The following CNTN4 variants were observed in gnomAD, a reference collection of about 807,000 sequenced individuals.
CNTN4 encodes the protein contactin 4.
CNTN4 carries 77 observed loss-of-function variants against 122.5 expected under a neutral mutation model. The observed-to-expected ratio is 0.63, with a 90% CI of 0.52 to 0.76. The LOEUF (loss-of-function observed/expected upper bound fraction) is 0.76. Ranked by LOEUF, CNTN4 falls within the 30% of genes least tolerant of loss-of-function variation. The pLI, the probability that CNTN4 is intolerant of heterozygous loss-of-function variation, is 0.00. For synonymous variants in CNTN4, 512 were observed against 447.0 expected, an observed-to-expected ratio of 1.15 and a Z score of -1.83; for missense variants, 1,256 against 1,259.1, an observed-to-expected ratio of 1.00 and a Z score of 0.04.
At chr3:2,712,792 T>C (rs1405630415) in intron 4 of CNTN4, among the ~76,000 whole-genome samples, 1 of 152,168 alleles carries the variant, frequency 6.6e-6, no homozygotes, top group East Asian at 1.9e-4. Flanking sequence ...TGATCACCAG[T>C]GGTCACTGTC....
At chr3:2,659,923 G>A (rs1314773889) in intron 4 of CNTN4, among the ~76,000 whole-genome samples, 1 of 152,176 alleles carries the variant, frequency 6.6e-6, no homozygotes, top group Non-Finnish European at 1.5e-5. Flanking sequence ...AACCTGGTCA[G>A]GGATTGTGTG....
chr3:3,009,013 G>A (rs1696919594), intron 14 of CNTN4: 4 of 985,388 alleles, frequency 4.1e-6, no homozygotes, highest in African/African-American at 1.7e-5. Context: ...GGTATGATCT[G>A]CGGGCTAGAG....
intron 3 of CNTN4, among the ~76,000 whole-genome samples, chr3:2,339,840 C>A (rs2044115731): frequency 6.6e-6 from 1 of 152,188 alleles, no homozygotes; most frequent in African/African-American, 2.4e-5. Flanking sequence ...TTTGTGGAAT[C>A]TACAAGTTTG....
At chr3:2,669,842 C>T (rs1310756297) in intron 4 of CNTN4, among the ~76,000 whole-genome samples, 4 of 152,138 alleles carry the variant, frequency 2.6e-5, no homozygotes, top group Non-Finnish European at 5.9e-5. Context: ...GCCTTCATTT[C>T]GTTATGTACC....
chr3:2,787,212 A>G lies in CNTN4; in HGVS notation c.359-32274A>G, dbSNP rs1038056563. 8.5e-5 allele frequency among the ~76,000 whole-genome samples: 13 copies of G among 152,230 alleles called. No homozygotes were observed. The East Asian group carries it at 2.5e-3, about 29-fold the overall frequency. On this transcript the variant is annotated intron_variant, in intron 6 of 24. Transcript: ENST00000418658. ...GCCAATATGGCGAAACCCTGTCTCT[A>G]TTAAAAATACAAAAACAGCCAGTCG...
intron 2 of CNTN4, among the ~76,000 whole-genome samples, chr3:2,134,754 A>G (rs1397375057): frequency 6.6e-6 from 1 of 152,206 alleles, no homozygotes; most frequent in Non-Finnish European, 1.5e-5. Flanking sequence ...AGAATTCTCC[A>G]GAGAAACAGA....
At chr3:2,914,430 C>G (rs1202009595) in intron 12 of CNTN4, among the ~76,000 whole-genome samples, 1 of 151,868 alleles carries the variant, frequency 6.6e-6, no homozygotes, top group East Asian at 1.9e-4. Context: ...AGAGTGTACT[C>G]AAATAAGTAA....
intron 7 of CNTN4, among the ~76,000 whole-genome samples, chr3:2,825,092 G>A (rs956997209): frequency 1.3e-5 from 2 of 152,148 alleles, no homozygotes; most frequent in African/African-American, 4.8e-5. Flanking sequence ...CTCAGAAGTA[G>A]CATTCTGGTC....
chr3:2,291,907 T>G (rs1575286250), intron 2 of CNTN4, among the ~76,000 whole-genome samples: 1 of 152,048 alleles, frequency 6.6e-6, no homozygotes, highest in African/African-American at 2.4e-5. Context: ...CTAATTTTTT[T>G]GTGTTATTAG....
chr3:2,181,836 C>T (rs189680310), intron 2 of CNTN4, among the ~76,000 whole-genome samples: 135 of 152,088 alleles, frequency 8.9e-4, no homozygotes, highest in African/African-American at 3.1e-3. Context: ...GGCAGTTGCA[C>T]GAGTTTTGGT....
chr3:2,882,271 CAGG>C (rs2150976566), intron 8 of CNTN4, among the ~76,000 whole-genome samples: 1 of 151,640 alleles, frequency 6.6e-6, no homozygotes, highest in Non-Finnish European at 1.5e-5. Flanking sequence ...GAGGCTGAAG[CAGG>C]AGAATCGCTT....
rs753892049 is a variant in CNTN4, at chr3:3,037,270, C to T, written c.2034C>T (p.Asn678=). 5.0e-5 allele frequency: 81 copies of T among 1,614,010 alleles called. No individual in the cohort carries two copies. Among genetic ancestry groups the T allele is most frequent in the Non-Finnish European group, 6.4e-5 (76 of 1,180,034 alleles). ...ATGAATTCCGCACAGTTGCAGCCAA[C>T]GTGATTGGGATTGGGGAGCCCAGCC... ...VEYEFRTVAA[N]VIGIGEPSRP... is the part of the protein sequence containing the mutation. Residue 678 remains asparagine, a synonymous_variant, in exon 18 of 25, where the codon AAC becomes AAT. Transcript: ENST00000418658.
intron 4 of CNTN4, among the ~76,000 whole-genome samples, chr3:2,635,489 C>G (rs575298596): frequency 4.1e-4 from 62 of 152,270 alleles, no homozygotes; most frequent in African/African-American, 1.4e-3. Context: ...ATCTCTATCC[C>G]CCATGTCCAG....
At chr3:2,221,405 A>G (rs2149491093) in intron 2 of CNTN4, among the ~76,000 whole-genome samples, 1 of 152,156 alleles carries the variant, frequency 6.6e-6, no homozygotes, top group Non-Finnish European at 1.5e-5. Context: ...TACTAATTTA[A>G]AATTAATTAC....
intron 6 of CNTN4, among the ~76,000 whole-genome samples, chr3:2,782,864 C>T (rs2091661352): frequency 1.3e-5 from 2 of 152,178 alleles, no homozygotes; most frequent in Non-Finnish European, 2.9e-5. Context: ...GGATCATAAT[C>T]TTAGGACCAA....
Position 2,387,674 on chromosome 3 carries a change from C to G in CNTN4, c.-89+48441C>G, listed in dbSNP as rs531507332. On this transcript the variant is annotated intron_variant, in intron 3 of 24. Transcript: ENST00000418658. ...ATGAAATTCACTTTGATTTTCATTT[C>G]TAAGCTCTTTTCCAAAAAGCCAATT... is the stretch of plus-strand genomic sequence containing the variant. 2.8e-4 allele frequency among the ~76,000 whole-genome samples: 43 copies of G among 152,194 alleles called. No individual in the cohort carries two copies. The South Asian group carries it at 4.4e-3, about 15-fold the overall frequency.
chr3:3,051,014 C>T (rs1407446146), intron 23 of CNTN4, among the ~76,000 whole-genome samples: 1 of 152,106 alleles, frequency 6.6e-6, no homozygotes, highest in African/African-American at 2.4e-5. Flanking sequence ...TGTGGCCCAA[C>T]ACAAATTCAT....
intron 2 of CNTN4, among the ~76,000 whole-genome samples, chr3:2,303,991 A>G (rs1004681919): frequency 5.3e-5 from 8 of 152,134 alleles, no homozygotes; most frequent in African/African-American, 1.7e-4. Flanking sequence ...AGATTATGGC[A>G]TCTTTGGTTG....
At chr3:2,471,943 T>G (rs1365532362) in intron 3 of CNTN4, among the ~76,000 whole-genome samples, 1 of 152,118 alleles carries the variant, frequency 6.6e-6, no homozygotes, top group Non-Finnish European at 1.5e-5. Flanking sequence ...CTGAGTAATT[T>G]TGACATCAAG....
Sources: allele counts gnomAD v4.1 joint callset (sites outside exome capture counted in the v4.1 genomes callset), GRCh38; gene constraint gnomAD v4.1.1; transcripts MANE v1.5; gene names NCBI Gene and HGNC (gene_info 2026-07-23, HGNC 2026-07-21).